IGF1R: variants seen among roughly 807,000 people sequenced by gnomAD.
The protein encoded by IGF1R is insulin-like growth factor 1 receptor.
A neutral mutation model predicts 144.6 loss-of-function variants in IGF1R; 44 were observed. The observed-to-expected ratio is 0.30, with a 90% CI of 0.24 to 0.39. The LOEUF (loss-of-function observed/expected upper bound fraction) is 0.39. Ranked by LOEUF, IGF1R falls within the 10% of genes least tolerant of loss-of-function variation. The probability of loss-of-function intolerance (pLI) is 1.00; values close to 1 mark genes in which losing one functional copy is unlikely to be tolerated. For synonymous variants in IGF1R, 795 were observed against 722.8 expected (o/e 1.10, Z -1.60); for missense variants, 1,355 against 1,833.7 (o/e 0.74, Z 4.77).
intron 2 of IGF1R, among the ~76,000 whole-genome samples, chr15:98,752,841 A>G (rs773822909): frequency 1.3e-5 from 2 of 152,210 alleles, no homozygotes; most frequent in Non-Finnish European, 2.9e-5. Flanking sequence ...TATTTCAATC[A>G]ATATCAAATA....
chr15:98,821,394 A>G (rs1378176815), intron 2 of IGF1R, among the ~76,000 whole-genome samples: 4 of 152,002 alleles, frequency 2.6e-5, no homozygotes, highest in Non-Finnish European at 4.4e-5. Flanking sequence ...TAACGTGTAT[A>G]TAAGTTAATA....
chr15:98,833,931 A>G (rs929468868), intron 2 of IGF1R, among the ~76,000 whole-genome samples: 1 of 152,150 alleles, frequency 6.6e-6, no homozygotes, highest in Non-Finnish European at 1.5e-5. Flanking sequence ...GATCATGATA[A>G]CTCTGGTAAT....
At chr15:98,691,669 T>G (rs1288397032) in intron 1 of IGF1R, among the ~76,000 whole-genome samples, 1 of 151,978 alleles carries the variant, frequency 6.6e-6, no homozygotes. Flanking sequence ...GGCCCATGGT[T>G]TTCTTATGGT....
chr15:98,660,872 T>C (rs8027457), intron 1 of IGF1R, among the ~76,000 whole-genome samples: 88,740 of 151,990 alleles, frequency 0.58, 27,205 homozygotes, highest in African/African-American at 0.78. Context: ...TTAAACCCTC[T>C]TGGAGCTGGG....
At chr15:98,788,052 CTCTCTCTCTCTGTGTGTGTGTG>C (rs1279302609) in intron 2 of IGF1R, among the ~76,000 whole-genome samples, 3 of 139,566 alleles carry the variant, frequency 2.1e-5, no homozygotes, top group African/African-American at 8.5e-5. Flanking sequence ...CTCTCTCTCT[CTCTCTCTCTCTGTGTGTGTGTG>C]TGTGTGTGTG....
At chr15:98,864,837 G>GCA (rs1236058473) in intron 2 of IGF1R, among the ~76,000 whole-genome samples, 2 of 152,192 alleles carry the variant, frequency 1.3e-5, no homozygotes. Context: ...GCTTCTGTTT[G>GCA]ATGAAACCGA....
At chr15:98,750,883 G>T (rs936208362) in intron 2 of IGF1R, among the ~76,000 whole-genome samples, 1 of 152,026 alleles carries the variant, frequency 6.6e-6, no homozygotes, top group Non-Finnish European at 1.5e-5. Context: ...ACCTACTCAG[G>T]CTCAGGTGAT....
intron 17 of IGF1R, among the ~76,000 whole-genome samples, chr15:98,938,706 A>G (rs138652406): frequency 6.2e-4 from 95 of 152,354 alleles, no homozygotes; most frequent in African/African-American, 2.2e-3. Context: ...AAAGGATTAA[A>G]TAATTTATAA....
At chr15:98,689,909 G>A (rs950548239) in intron 1 of IGF1R, among the ~76,000 whole-genome samples, 1 of 152,174 alleles carries the variant, frequency 6.6e-6, no homozygotes, top group Non-Finnish European at 1.5e-5. Context: ...CAAAGGAGAG[G>A]GATCCTGTGC....
chr15:98,762,422 A>G (rs4965432), intron 2 of IGF1R, among the ~76,000 whole-genome samples: 120,451 of 152,090 alleles, frequency 0.79, 48,556 homozygotes, highest in South Asian at 0.88. Flanking sequence ...AAATGAAAAA[A>G]TATTTCAAAA....
At chr15:98,859,506 T>C (rs979026706) in intron 2 of IGF1R, among the ~76,000 whole-genome samples, 12 of 152,220 alleles carry the variant, frequency 7.9e-5, no homozygotes, top group Admixed American at 3.9e-4. Context: ...AATGAAACTT[T>C]CCAGTTCGTA....
Position 98,922,233 on chromosome 15 carries a change from TACA to T in IGF1R, c.2291_2293del (p.Asn764del). ...CAGGAACACCACGGCCGCAGACACC[TACA>T]ACATCACCGACCCGGAAGAGCTGGA... On this transcript the variant is annotated inframe_deletion, in exon 11 of 21. Coordinates refer to ENST00000650285, the MANE Select transcript of IGF1R (RefSeq NM_000875.5). 6.2e-7 allele frequency: 1 copy of T among 1,614,206 alleles called. No individual in the cohort carries two copies. The highest frequency in any genetic ancestry group is 8.5e-7 in the Non-Finnish European group (1 of 1,180,028).
At chr15:98,735,345 G>A (rs1348588080) in intron 2 of IGF1R, among the ~76,000 whole-genome samples, 1 of 152,228 alleles carries the variant, frequency 6.6e-6, no homozygotes, top group Middle Eastern at 3.2e-3. Context: ...GGGGCTCCCC[G>A]TGACTCTGCC....
At chr15:98,948,530 G>A in intron 19 of IGF1R, 44 bp from the exon 20 acceptor site, 1 of 1,607,570 alleles carries the variant, frequency 6.2e-7, no homozygotes, top group Non-Finnish European at 8.5e-7. Context: ...GCATTGTTCA[G>A]TCCATCCCTT....
intron 2 of IGF1R, among the ~76,000 whole-genome samples, chr15:98,808,996 C>T (rs2056527821): frequency 6.6e-6 from 1 of 152,172 alleles, no homozygotes; most frequent in Non-Finnish European, 1.5e-5. Context: ...GTAAAAGATT[C>T]TTATCAACAG....
At chr15:98,832,594 G>A (rs1276377906) in intron 2 of IGF1R, among the ~76,000 whole-genome samples, 1 of 152,192 alleles carries the variant, frequency 6.6e-6, no homozygotes, top group Non-Finnish European at 1.5e-5. Context: ...TGTGAATTAA[G>A]TATGTAGATC....
intron 1 of IGF1R, among the ~76,000 whole-genome samples, chr15:98,664,924 GTT>G (rs985916035): frequency 1.4e-5 from 2 of 143,762 alleles, no homozygotes; most frequent in African/African-American, 2.6e-5. Context: ...TACATTTGCC[GTT>G]TTTTTTTGAC....
intron 1 of IGF1R, among the ~76,000 whole-genome samples, chr15:98,706,828 T>TG (rs2053875214): frequency 7.3e-5 from 2 of 27,430 alleles, no homozygotes; most frequent in African/African-American, 1.8e-4. Context: ...TTTTTACTGG[T>TG]TTTTTTTTTT....
At chr15:98,899,140 CAG>C (rs1286695607) in intron 4 of IGF1R, among the ~76,000 whole-genome samples, 2 of 152,200 alleles carry the variant, frequency 1.3e-5, no homozygotes, top group African/African-American at 4.8e-5. Flanking sequence ...TGTCTGTTGA[CAG>C]AGCATATTAA....
Sources: allele counts gnomAD v4.1 joint callset (sites outside exome capture counted in the v4.1 genomes callset), GRCh38; gene constraint gnomAD v4.1.1; transcripts MANE v1.5; gene names NCBI Gene and HGNC (gene_info 2026-07-23, HGNC 2026-07-21).